SGCD: variants seen among roughly 807,000 people sequenced by gnomAD.
SGCD encodes the protein delta-sarcoglycan.
Under a neutral mutation model 36.6 loss-of-function variants are expected in SGCD, and 18 were observed. The ratio of observed to expected loss-of-function variants is 0.49; its 90% CI spans 0.34 to 0.73. The LOEUF is 0.73. Among genes scored for constraint, SGCD ranks in the 30% least tolerant of loss-of-function variants. The pLI is 0.01. For synonymous variants in SGCD, 133 were observed against 130.6 expected (o/e 1.02, Z -0.12); for missense variants, 387 against 346.7 (o/e 1.12, Z -0.92).
chr5:156,411,143 A>G lies in SGCD; in HGVS notation c.192+66466A>G, dbSNP rs908339763. On this transcript the variant is annotated intron_variant, in intron 3 of 8. Transcript: ENST00000337851. ...TTGAGCAGTTACACAGTAAAAACTC[A>G]GTAAACTCTTATTGGTGATTTTTGA... 2.6e-5 allele frequency among the ~76,000 whole-genome samples: 4 copies of G among 152,240 alleles called. No homozygotes were observed. The South Asian group carries it at 6.2e-4, about 24-fold the overall frequency.
At chr5:156,345,673 A>G (rs6892761) in intron 3 of SGCD, among the ~76,000 whole-genome samples, 28,868 of 152,082 alleles carry the variant, frequency 0.19, 2,957 homozygotes, top group Middle Eastern at 0.25. Context: ...AACCAAGCAA[A>G]CAAACAAAAA....
chr5:155,863,502 C>T, the SGCD span, among the ~76,000 whole-genome samples: 1 of 151,866 alleles, frequency 6.6e-6, no homozygotes, highest in African/African-American at 2.4e-5. Flanking sequence ...TTTGAGCAGT[C>T]ATGATCTTTA....
chr5:155,856,220 A>T, the SGCD span, among the ~76,000 whole-genome samples: 6 of 152,216 alleles, frequency 3.9e-5, no homozygotes, highest in African/African-American at 1.4e-4. Context: ...ATTCTAAAGC[A>T]ACCACTAAAA....
chr5:156,581,987 T>A (rs1195350362), intron 4 of SGCD, among the ~76,000 whole-genome samples: 1 of 152,200 alleles, frequency 6.6e-6, no homozygotes, highest in Non-Finnish European at 1.5e-5. Flanking sequence ...AATGCAGAAA[T>A]CACCCTCTTC....
chr5:156,720,705 A>G (rs1755453445), intron 7 of SGCD, among the ~76,000 whole-genome samples: 1 of 152,224 alleles, frequency 6.6e-6, no homozygotes, highest in African/African-American at 2.4e-5. Context: ...CTGAAACAAA[A>G]GGCAATCTCC....
the SGCD span, among the ~76,000 whole-genome samples, chr5:155,809,182 G>A: frequency 6.6e-6 from 1 of 152,234 alleles, no homozygotes; most frequent in African/African-American, 2.4e-5. Context: ...GTCAGGAGTT[G>A]AAGGTGCATA....
At chr5:156,413,896 T>G (rs1772897585) in intron 3 of SGCD, among the ~76,000 whole-genome samples, 2 of 152,172 alleles carry the variant, frequency 1.3e-5, no homozygotes, top group Admixed American at 1.3e-4. Context: ...GCTTAGGACT[T>G]GGAGATGGAG....
At chr5:156,616,929 C>T (rs1762041974) in intron 6 of SGCD, among the ~76,000 whole-genome samples, 1 of 152,162 alleles carries the variant, frequency 6.6e-6, no homozygotes, top group Non-Finnish European at 1.5e-5. Flanking sequence ...AGACAGAGAT[C>T]ATATGGCCCA....
Position 156,493,516 on chromosome 5 carries a change from C to T in SGCD, c.193-15085C>T, listed in dbSNP as rs541396261. Among the ~76,000 whole-genome samples the T allele has an allele frequency of 1.2e-3, 178 of 152,160 alleles. 1 individual carries two copies. Among genetic ancestry groups the T allele is most frequent in the Non-Finnish European group, 1.3e-3 (88 of 67,978 alleles). The stretch of plus-strand genomic sequence containing the variant: ...ATCTTCACTGTTACCAGGCTATCTG[C>T]CCTTCTTGTTGAGGGAATTACCCCA... On this transcript the variant is annotated intron_variant, in intron 3 of 8. Transcript: ENST00000337851.
intron 4 of SGCD, among the ~76,000 whole-genome samples, chr5:156,522,771 G>A (rs2656894): frequency 2.7e-5 from 4 of 148,810 alleles, no homozygotes; most frequent in East Asian, 4.0e-4. Context: ...CCCACCCCCC[G>A]ACACACACAT....
At chr5:155,752,768 G>T in the SGCD span, among the ~76,000 whole-genome samples, 1 of 152,180 alleles carries the variant, frequency 6.6e-6, no homozygotes, top group Admixed American at 6.5e-5. Flanking sequence ...ATCAATATTT[G>T]CTGGATAAAT....
chr5:156,193,016 C>G (rs1240358513), intron 3 of SGCD, among the ~76,000 whole-genome samples: 1 of 151,642 alleles, frequency 6.6e-6, no homozygotes, highest in Non-Finnish European at 1.5e-5. Flanking sequence ...TTTCATCTAA[C>G]TTCTACATGT....
At chr5:156,287,725 C>A (rs1202901726) in intron 3 of SGCD, among the ~76,000 whole-genome samples, 1 of 151,630 alleles carries the variant, frequency 6.6e-6, no homozygotes, top group Non-Finnish European at 1.5e-5. Flanking sequence ...ATACTCTTTG[C>A]TGACATTGTT....
intron 3 of SGCD, among the ~76,000 whole-genome samples, chr5:156,212,300 A>G (rs192139210): frequency 1.3e-5 from 2 of 152,338 alleles, no homozygotes; most frequent in Admixed American, 1.3e-4. Flanking sequence ...ATAGAGTGAG[A>G]GTGAAGGCAT....
chr5:156,281,672 C>A (rs1766456930), intron 3 of SGCD, among the ~76,000 whole-genome samples: 3 of 151,984 alleles, frequency 2.0e-5, no homozygotes, highest in Non-Finnish European at 2.9e-5. Context: ...AATAGATATA[C>A]AAAACATATA....
Position 156,558,117 on chromosome 5 carries a change from ATATATATT to A in SGCD, c.295-31113_295-31106del, listed in dbSNP as rs1385547503. Reference sequence around the variant, plus strand: ...TATATATATATATATATATATATATATATATATTATTTAACTCTCTTTTAAAGGCAGTT... The same window carrying A: ...TATATATATATATATATATATATATAATTTAACTCTCTTTTAAAGGCAGTT... On this transcript the variant is annotated intron_variant, in intron 4 of 8. Coordinates refer to ENST00000337851, the MANE Select transcript of SGCD (RefSeq NM_000337.6). Among the ~76,000 whole-genome samples the A allele has an allele frequency of 2.8e-4, 36 of 129,526 alleles. 1 individual carries two copies. The highest frequency in any genetic ancestry group is 1.3e-3 in the South Asian group (5 of 3,938). 85.0% of individuals were successfully genotyped at this position (129,526 alleles called of 152,430 possible). A position where few individuals can be genotyped will look rare whatever the true frequency, so the allele number is the denominator to read the frequency against.
chr5:156,722,466 GTC>G (rs1755557398), intron 7 of SGCD, among the ~76,000 whole-genome samples: 1 of 152,164 alleles, frequency 6.6e-6, no homozygotes, highest in East Asian at 1.9e-4. Flanking sequence ...TTGTCATAAA[GTC>G]TATACAGCCA....
chr5:156,423,352 TTTA>T (rs1773489877), intron 3 of SGCD, among the ~76,000 whole-genome samples: 1 of 22,330 alleles, frequency 4.5e-5, no homozygotes, highest in Non-Finnish European at 9.8e-5. Flanking sequence ...ATATTATAAT[TTTA>T]TTATAATATA....
intron 3 of SGCD, among the ~76,000 whole-genome samples, chr5:156,265,306 C>T (rs1765969585): frequency 6.6e-6 from 1 of 152,106 alleles, no homozygotes; most frequent in African/African-American, 2.4e-5. Flanking sequence ...CACTATGAAA[C>T]CAGTGGATAG....
Sources: gnomAD v4.1 joint callset for allele counts (sites outside exome capture counted in the v4.1 genomes callset) on GRCh38, gnomAD v4.1.1 for gene constraint, MANE v1.5 for transcripts, NCBI Gene and HGNC (gene_info 2026-07-23, HGNC 2026-07-21) for gene names.